The following CACNB4 variants were observed in gnomAD, a reference collection of about 807,000 sequenced individuals.
The protein encoded by CACNB4 is voltage-dependent L-type calcium channel subunit beta-4.
Under a neutral mutation model 71.2 loss-of-function variants are expected in CACNB4, and 32 were observed. The observed-to-expected ratio is 0.45, with a 90% CI of 0.34 to 0.60. The LOEUF (loss-of-function observed/expected upper bound fraction) is 0.60. Ranked by LOEUF, CACNB4 falls within the 20% of genes least tolerant of loss-of-function variation. CACNB4 has a pLI of 0.01. For synonymous variants in CACNB4, 231 were observed against 236.9 expected (o/e 0.97, Z 0.23); for missense variants, 464 against 647.9 (o/e 0.72, Z 3.08).
chr2:151,908,568 G>A (rs2151527380), intron 2 of CACNB4, among the ~76,000 whole-genome samples: 1 of 152,312 alleles, frequency 6.6e-6, no homozygotes, highest in East Asian at 1.9e-4. Context: ...GGAAGCTGCA[G>A]ATGATGAAAG....
chr2:152,049,023 A>G (rs1685277866), intron 2 of CACNB4, among the ~76,000 whole-genome samples: 1 of 152,132 alleles, frequency 6.6e-6, no homozygotes, highest in South Asian at 2.1e-4. Flanking sequence ...AATCAATTGC[A>G]ATTTCTAGGA....
At position 152,098,078 on chromosome 2, in the gene CACNB4, G is replaced by A. The variant is rs1688369514; in HGVS notation, c.147+252C>T. Among the ~76,000 whole-genome samples the A allele has an allele frequency of 6.6e-6, 1 of 152,224 alleles. No homozygotes were observed. The highest frequency in any genetic ancestry group is 6.5e-5 in the Admixed American group (1 of 15,288). On this transcript the variant is annotated intron_variant, in intron 2 of 13. Transcript: ENST00000539935. This position sits in a 1 kb window ranked among gnomAD's most constrained non-coding sequence, Gnocchi z 5.3. ...ATTCAACGTCCCTGACTTAAGCCAG[G>A]TCCCCACCGAACTGTCCACACACAT...
Position 151,876,442 on chromosome 2 carries a change from C to G in CACNB4, c.505G>C (p.Gly169Arg), listed in dbSNP as rs767387087. ...NIRIQQEQKR[G>R]RFHGGKSSGN... ...GGAACGTACCCTCCGTGAAAACGTC[C>G]TCTTTTTTGTTCTTGCTGGATCCGT... is the stretch of plus-strand genomic sequence containing the variant. The change falls in exon 5 of 14, where the codon GGA becomes CGA. Residue 169 changes from glycine (G) to arginine (R), a missense_variant. Around this residue, in one of 3 missense-constraint regions of CACNB4, gnomAD observed 299 missense variants for 471.7 expected, o/e 0.63. Transcript: ENST00000539935. 6.3e-7 allele frequency: 1 copy of G among 1,596,452 alleles called. No individual in the cohort carries two copies. The highest frequency in any genetic ancestry group is 8.6e-7 in the Non-Finnish European group (1 of 1,168,994).
intron 2 of CACNB4, among the ~76,000 whole-genome samples, chr2:151,991,373 G>C (rs1681695382): frequency 6.6e-6 from 1 of 152,204 alleles, no homozygotes; most frequent in South Asian, 2.1e-4. Context: ...AAGCTGGTCT[G>C]CACAGTTCTG....
chr2:151,994,981 ATTAAAT>A (rs1158946774), intron 2 of CACNB4, among the ~76,000 whole-genome samples: 2 of 152,142 alleles, frequency 1.3e-5, no homozygotes, highest in Non-Finnish European at 2.9e-5. Flanking sequence ...GAAAATAGAA[ATTAAAT>A]TTAAACTTGA....
chr2:152,004,135 G>C (rs73013228), intron 2 of CACNB4, among the ~76,000 whole-genome samples: 3,523 of 152,208 alleles, frequency 0.023, 130 homozygotes, highest in African/African-American at 0.081. Flanking sequence ...GCTCAACTTT[G>C]ACAAATCTTT....
chr2:151,870,400 C>G (rs2099844314), intron 8 of CACNB4, 131 bp downstream of exon 8: 1 of 754,658 alleles, frequency 1.3e-6, no homozygotes, highest in Admixed American at 2.0e-5. Context: ...ACGGTACCCC[C>G]TGCCTTCCCA....
chr2:151,854,416 G>A (rs1324421031), intron 11 of CACNB4: 1 of 152,214 alleles, frequency 6.6e-6, no homozygotes, highest in Non-Finnish European at 1.5e-5. Context: ...ACATCTGGAG[G>A]AGAGTACAGC....
intron 2 of CACNB4, among the ~76,000 whole-genome samples, chr2:151,932,551 G>C (rs1263701729): frequency 6.6e-6 from 1 of 152,082 alleles, no homozygotes. Context: ...TTTGGAAACA[G>C]GGTCCCTATA....
intron 2 of CACNB4, among the ~76,000 whole-genome samples, chr2:151,925,472 T>A (rs542439408): frequency 6.6e-6 from 1 of 152,308 alleles, no homozygotes; most frequent in African/African-American, 2.4e-5. Flanking sequence ...TAAAATCCTA[T>A]CAAGTTAATG....
At chr2:151,892,254 AC>A (rs1228893436) in intron 2 of CACNB4, among the ~76,000 whole-genome samples, 16 of 152,084 alleles carry the variant, frequency 1.1e-4, no homozygotes, top group Non-Finnish European at 4.4e-5. Flanking sequence ...AGCACACCCA[AC>A]ACTACTTTTA....
chr2:152,092,756 G>A (rs13009614), intron 2 of CACNB4, among the ~76,000 whole-genome samples: 29,677 of 151,408 alleles, frequency 0.2, 3,278 homozygotes, highest in Admixed American at 0.3. Context: ...CTTAACCGTG[G>A]GGGATACATT....
At chr2:152,086,289 C>T (rs920628076) in intron 2 of CACNB4, among the ~76,000 whole-genome samples, 2 of 152,144 alleles carry the variant, frequency 1.3e-5, no homozygotes, top group African/African-American at 4.8e-5. Context: ...CAGAGCCTTC[C>T]CTATCAGAGT....
chr2:152,076,516 A>G (rs1194714131), intron 2 of CACNB4, among the ~76,000 whole-genome samples: 2 of 151,922 alleles, frequency 1.3e-5, no homozygotes, highest in Non-Finnish European at 2.9e-5. Context: ...TGGGCTCGAA[A>G]CTATGGGTCC....
intron 2 of CACNB4, among the ~76,000 whole-genome samples, chr2:152,012,140 G>A (rs986632195): frequency 6.6e-6 from 1 of 151,586 alleles, no homozygotes; most frequent in African/African-American, 2.4e-5. Flanking sequence ...CCTCAGGCAG[G>A]TCCTTCTGGA....
intron 2 of CACNB4, among the ~76,000 whole-genome samples, chr2:152,045,074 AT>A (rs1560158070): frequency 6.6e-6 from 1 of 152,240 alleles, no homozygotes; most frequent in African/African-American, 2.4e-5. Context: ...CAGAAAAAAA[AT>A]GATTGCCACC....
intron 2 of CACNB4, among the ~76,000 whole-genome samples, chr2:152,023,658 C>T (rs1683804350): frequency 6.6e-6 from 1 of 152,144 alleles, no homozygotes; most frequent in Admixed American, 6.5e-5. Flanking sequence ...TGGTCTCCAA[C>T]TCCTCATCTC....
At chr2:151,884,703 A>T (rs1013501872) in intron 2 of CACNB4, among the ~76,000 whole-genome samples, 2 of 151,736 alleles carry the variant, frequency 1.3e-5, no homozygotes, top group African/African-American at 4.8e-5. Context: ...TTAAAAAGTC[A>T]ACCCCTTCCT....
At chr2:151,946,030 A>G (rs954230601) in intron 2 of CACNB4, among the ~76,000 whole-genome samples, 2 of 152,004 alleles carry the variant, frequency 1.3e-5, no homozygotes, top group Non-Finnish European at 1.5e-5. Context: ...TTATTATTAT[A>G]ATAAAATGCC....
Sources: allele counts gnomAD v4.1 joint callset (sites outside exome capture counted in the v4.1 genomes callset), GRCh38; gene constraint gnomAD v4.1.1; regional missense constraint gnomAD v4.1.1; non-coding constraint Gnocchi (gnomAD v3.1); transcripts MANE v1.5; gene names NCBI Gene and HGNC (gene_info 2026-07-23, HGNC 2026-07-21).